Variants in SEC24B observed in about 807,000 individuals in gnomAD.
The protein encoded by SEC24B is SEC24 homolog B, COPII component.
A neutral mutation model predicts 142.8 loss-of-function variants in SEC24B; 45 were observed. The ratio of observed to expected loss-of-function variants is 0.32; its 90% CI spans 0.25 to 0.40. The LOEUF (loss-of-function observed/expected upper bound fraction) is 0.40. SEC24B is among the 10% of genes least tolerant of loss of function. The probability of loss-of-function intolerance (pLI) is 1.00; values close to 1 mark genes in which losing one functional copy is unlikely to be tolerated. For synonymous variants in SEC24B, 574 were observed against 568.2 expected (o/e 1.01, Z -0.15); for missense variants, 1,409 against 1,526.8 (o/e 0.92, Z 1.29).
At chr4:109,528,196 G>A (rs1430998984) in intron 18 of SEC24B, among the ~76,000 whole-genome samples, 2 of 151,950 alleles carry the variant, frequency 1.3e-5, no homozygotes, top group South Asian at 2.1e-4. Context: ...TGAAGTGGGC[G>A]GATCACTTGA....
At chr4:109,451,356 A>T (rs1451808629) in intron 1 of SEC24B, among the ~76,000 whole-genome samples, 2 of 145,604 alleles carry the variant, frequency 1.4e-5, no homozygotes, top group Non-Finnish European at 3.0e-5. Context: ...CTGCCTTGCT[A>T]ATTTTTTTTT....
At chr4:109,456,726 G>A (rs1162792148) in intron 1 of SEC24B, among the ~76,000 whole-genome samples, 6 of 152,114 alleles carry the variant, frequency 3.9e-5, no homozygotes, top group Non-Finnish European at 8.8e-5. Flanking sequence ...AGTCAGCCTT[G>A]TATTCCTAAT....
intron 1 of SEC24B, among the ~76,000 whole-genome samples, chr4:109,434,597 A>G (rs1728217126): frequency 6.6e-6 from 1 of 152,248 alleles, no homozygotes; most frequent in Admixed American, 6.5e-5. Context: ...ATGCTATATA[A>G]GTGTAACTGT....
intron 18 of SEC24B, 113 bp from the exon 19 acceptor site, chr4:109,530,176 T>C: frequency 1.2e-6 from 1 of 831,138 alleles, no homozygotes; most frequent in Non-Finnish European, 1.8e-6. Context: ...CATTTTTCCA[T>C]CCTAAAAACT....
At chr4:109,479,335 A>G (rs997348187) in intron 3 of SEC24B, among the ~76,000 whole-genome samples, 1 of 152,172 alleles carries the variant, frequency 6.6e-6, no homozygotes, top group East Asian at 1.9e-4. Flanking sequence ...TAGCTACTCC[A>G]TGTACATACA....
Position 109,513,180 on chromosome 4 carries a change from G to A in SEC24B, c.1904-567G>A, listed in dbSNP as rs563149717. ...AGTAGAGATGGGGTTTTACCATATT[G>A]GCCAGGCTGGTCTCGAACTCCTGAC... On this transcript the variant is annotated intron_variant, in intron 9 of 23. Coordinates refer to ENST00000265175, the MANE Select transcript of SEC24B (RefSeq NM_006323.5). Among the ~76,000 whole-genome samples the A allele has an allele frequency of 3.3e-5, 5 of 151,430 alleles. No individual in the cohort carries two copies. The South Asian group carries it at 8.4e-4, about 25-fold the overall frequency.
intron 3 of SEC24B, among the ~76,000 whole-genome samples, chr4:109,481,386 C>T (rs867628758): frequency 2.0e-4 from 31 of 152,286 alleles, no homozygotes; most frequent in African/African-American, 6.5e-4. Flanking sequence ...GCTCAGTAAA[C>T]TTTTCAGACA....
At chr4:109,517,147 G>A (rs1723023047) in intron 11 of SEC24B, among the ~76,000 whole-genome samples, 2 of 152,180 alleles carry the variant, frequency 1.3e-5, no homozygotes, top group South Asian at 4.1e-4. Flanking sequence ...AAATCAGTGT[G>A]TGGAAGATAT....
intron 1 of SEC24B, among the ~76,000 whole-genome samples, chr4:109,453,313 G>A (rs1208669931): frequency 1.3e-5 from 2 of 152,012 alleles, no homozygotes; most frequent in African/African-American, 4.8e-5. Flanking sequence ...GAACCAGTCT[G>A]ACTAGAATTC....
chr4:109,522,589 T>G (rs1723765353), intron 14 of SEC24B, among the ~76,000 whole-genome samples: 1 of 152,362 alleles, frequency 6.6e-6, no homozygotes, highest in South Asian at 2.1e-4. Flanking sequence ...GTAACTATTG[T>G]AATTCAACAT....
intron 1 of SEC24B, among the ~76,000 whole-genome samples, chr4:109,447,764 A>G (rs931256962): frequency 6.6e-6 from 1 of 152,146 alleles, no homozygotes; most frequent in South Asian, 2.1e-4. Flanking sequence ...ATTGTTTTCT[A>G]TTTACTGCTG....
chr4:109,523,504 T>C (rs970496033), intron 14 of SEC24B, among the ~76,000 whole-genome samples: 69 of 151,870 alleles, frequency 4.5e-4, no homozygotes, highest in African/African-American at 1.2e-3. Flanking sequence ...ATAATAACAA[T>C]GAAAGGAATA....
rs1723567217 is a variant in SEC24B, at chr4:109,521,112, T to C, written c.2246-5T>C. On this transcript the variant is annotated splice_polypyrimidine_tract_variant and splice_region_variant and intron_variant, in intron 12 of 23. Transcript: ENST00000265175. ...TGTTGATTAAAATATGTGTTTTCCC[T>C]ATAGATGTTTTTCTACCTACACCGG... The C allele has an allele frequency of 2.0e-6, 3 of 1,484,308 alleles. No homozygotes were observed. In the African/African-American group the frequency reaches 4.2e-5, roughly 21 times the overall value. The allele number at this position is 1,484,308 out of a possible 1,614,324, so 91.9% of individuals were successfully genotyped here. A position where few individuals can be genotyped will look rare whatever the true frequency, so the allele number is the denominator to read the frequency against.
At chr4:109,477,141 A>T (rs986702781) in intron 3 of SEC24B, among the ~76,000 whole-genome samples, 3 of 91,186 alleles carry the variant, frequency 3.3e-5, no homozygotes, top group African/African-American at 1.6e-4. Flanking sequence ...CGTCTCAAAT[A>T]AAAAAAAAAA....
At chr4:109,501,769 G>A (rs1246560045) in intron 6 of SEC24B, among the ~76,000 whole-genome samples, 1 of 152,176 alleles carries the variant, frequency 6.6e-6, no homozygotes, top group African/African-American at 2.4e-5. Flanking sequence ...ACTGCATCCG[G>A]CCAGCATTTA....
chr4:109,524,980 C>T (rs76068205), intron 15 of SEC24B, 39 bp downstream of exon 15: 64,959 of 1,539,648 alleles, frequency 0.042, 1,475 homozygotes, highest in African/African-American at 0.071. Context: ...TTTAAATGAA[C>T]ATTTTTAATG....
chr4:109,473,170 G>A lies in SEC24B; in HGVS notation c.1044G>A (p.Glu348=), dbSNP rs751221726. ...EPVTSVTQPS[E]LLQQKGVQYG... ...TGACCTCAGTTACACAGCCATCAGA[G>A]CTATTACAACAAAAAGGTATTTGAG... The change falls in exon 3 of 24, where the codon GAG becomes GAA. Residue 348 remains glutamate, a synonymous_variant. Coordinates refer to ENST00000265175, the MANE Select transcript of SEC24B (RefSeq NM_006323.5). 1 of 1,571,684 alleles carries A rather than the reference G, an allele frequency of 6.4e-7. No homozygotes were observed. Among genetic ancestry groups the A allele is most frequent in the Non-Finnish European group, 8.6e-7 (1 of 1,159,480 alleles).
intron 6 of SEC24B, among the ~76,000 whole-genome samples, chr4:109,505,739 G>A (rs1022540778): frequency 6.6e-6 from 1 of 152,100 alleles, no homozygotes; most frequent in Non-Finnish European, 1.5e-5. Flanking sequence ...ATAAAATAGT[G>A]TGTAAGAAAG....
chr4:109,508,964 G>A (rs1410748628), intron 7 of SEC24B, among the ~76,000 whole-genome samples: 16 of 152,158 alleles, frequency 1.1e-4, no homozygotes, highest in Admixed American at 9.2e-4. Flanking sequence ...TATATTCTCC[G>A]ATGAACAGTC....
Sources: gnomAD v4.1 joint callset for allele counts (sites outside exome capture counted in the v4.1 genomes callset) on GRCh38, gnomAD v4.1.1 for gene constraint, MANE v1.5 for transcripts, NCBI Gene and HGNC (gene_info 2026-07-23, HGNC 2026-07-21) for gene names.